Variants in KDM5B observed in about 807,000 individuals in gnomAD.
The protein encoded by KDM5B is lysine demethylase 5B, also known as lysine-specific demethylase 5B.
In KDM5B, 144 loss-of-function variants were observed where a neutral mutation model predicts 193.4. The observed-to-expected ratio is 0.74, with a 90% confidence interval of 0.65 to 0.86. KDM5B has a LOEUF of 0.86. Ranked by LOEUF, KDM5B falls within the 40% of genes least tolerant of loss-of-function variation. KDM5B has a pLI of 0.00. For synonymous variants in KDM5B, 668 were observed against 682.6 expected (o/e 0.98, Z 0.33); for missense variants, 1,833 against 1,886.9 (o/e 0.97, Z 0.53).
At chr1:202,751,104 T>C (rs562503974) in intron 12 of KDM5B, among the ~76,000 whole-genome samples, 1 of 152,230 alleles carries the variant, frequency 6.6e-6, no homozygotes, top group South Asian at 2.1e-4. Flanking sequence ...AAGTAGCATC[T>C]TCTACCACCA....
intron 1 of KDM5B, among the ~76,000 whole-genome samples, chr1:202,798,289 T>A (rs930534866): frequency 6.7e-6 from 1 of 148,174 alleles, no homozygotes; most frequent in Non-Finnish European, 1.5e-5. Context: ...TTTTGTTCGA[T>A]TGGTTTTTGT....
intron 5 of KDM5B, 86 bp from the exon 6 acceptor site, chr1:202,764,231 T>C (rs761501314): frequency 1.5e-6 from 1 of 663,388 alleles, no homozygotes; most frequent in Non-Finnish European, 2.5e-6. Flanking sequence ...GGTGACTATA[T>C]CCTACCAATT....
chr1:202,738,730 TATG>T (rs1180506071), intron 20 of KDM5B, among the ~76,000 whole-genome samples: 7 of 152,200 alleles, frequency 4.6e-5, no homozygotes, highest in African/African-American at 7.2e-5. Context: ...CCTATTGGTT[TATG>T]ATGATAAGAG....
intron 10 of KDM5B, 107 bp downstream of exon 10, chr1:202,756,250 TA>T (rs1265140515): frequency 7.7e-6 from 7 of 912,382 alleles, no homozygotes; most frequent in Non-Finnish European, 1.2e-5. Flanking sequence ...TTGAAATCAT[TA>T]AAAATCTGGT....
At chr1:202,804,234 T>C (rs1010619304) in intron 1 of KDM5B, among the ~76,000 whole-genome samples, 5 of 140,934 alleles carry the variant, frequency 3.5e-5, no homozygotes, top group Admixed American at 1.6e-4. Context: ...GTGAATTGTA[T>C]GGTATATTTC....
intron 14 of KDM5B, 32 bp downstream of exon 14, chr1:202,748,913 A>C: frequency 6.4e-7 from 1 of 1,556,250 alleles, no homozygotes; most frequent in Non-Finnish European, 8.7e-7. Flanking sequence ...ATACCCAATG[A>C]CAACATGCAG....
chr1:202,750,782 A>G lies in KDM5B; in HGVS notation c.1702-4T>C, dbSNP rs111467902. 5.2e-5 allele frequency: 84 copies of G among 1,611,274 alleles called. 6 individuals are homozygous for G. The African/African-American group carries it at 6.0e-4, about 12-fold the overall frequency. On this transcript the variant is annotated splice_region_variant and splice_polypyrimidine_tract_variant and intron_variant, in intron 12 of 26. Transcript: ENST00000367265. ...CACACTGATTAGTTCGGTAAACCTA[A>G]AGAGACAGAAATTGAAGATTTTTGA...
chr1:202,768,433 G>A (rs1419523794), intron 4 of KDM5B, among the ~76,000 whole-genome samples: 2 of 152,120 alleles, frequency 1.3e-5, no homozygotes, highest in Non-Finnish European at 2.9e-5. Context: ...CTAACACTAT[G>A]AGCATAGTTA....
intron 11 of KDM5B, among the ~76,000 whole-genome samples, chr1:202,754,874 G>T (rs1213312558): frequency 6.6e-6 from 1 of 152,092 alleles, no homozygotes; most frequent in Admixed American, 6.6e-5. Context: ...TAGTAAAGAC[G>T]GGGTTTCTCC....
rs1654661514 is a variant in KDM5B at position 202,725,942 on chromosome 1, C to T, written c.*3094G>A. On this transcript the variant is annotated 3_prime_UTR_variant, in exon 27 of 27. Transcript: ENST00000367265. ...TACCTGCTCCAAGCCAGAAGCAGGT[C>T]TTAACAGACTGCCAAATATCCATCA... 1 of 152,198 alleles carries T rather than the reference C, an allele frequency of 6.6e-6. No individual in the cohort carries two copies. 9.4% of individuals were successfully genotyped at this position (152,198 alleles called of 1,614,324 possible).
At chr1:202,789,989 G>A (rs955516056) in intron 1 of KDM5B, among the ~76,000 whole-genome samples, 8 of 151,566 alleles carry the variant, frequency 5.3e-5, no homozygotes, top group South Asian at 2.1e-4. Context: ...TTGGGAGGCC[G>A]AGGTGGGCAG....
intron 9 of KDM5B, among the ~76,000 whole-genome samples, chr1:202,757,558 T>C (rs988605765): frequency 2.6e-5 from 4 of 152,138 alleles, no homozygotes; most frequent in Non-Finnish European, 5.9e-5. Context: ...AGCAAACATA[T>C]TGGCAAATAT....
chr1:202,789,138 A>T (rs1170878937), intron 1 of KDM5B, among the ~76,000 whole-genome samples: 1 of 152,164 alleles, frequency 6.6e-6, no homozygotes, highest in Non-Finnish European at 1.5e-5. Context: ...ACTAAAAATC[A>T]GTTTGAGCCT....
At chr1:202,739,951 G>A (rs548382605) in intron 20 of KDM5B, among the ~76,000 whole-genome samples, 8 of 152,102 alleles carry the variant, frequency 5.3e-5, no homozygotes, top group East Asian at 3.9e-4. Flanking sequence ...CCACAAAACC[G>A]CCATTGTCAT....
chr1:202,766,712 G>C (rs1273194329), intron 5 of KDM5B, among the ~76,000 whole-genome samples: 1 of 152,128 alleles, frequency 6.6e-6, no homozygotes, highest in East Asian at 1.9e-4. Flanking sequence ...GTCTGTCCAG[G>C]CAGCATAAAT....
chr1:202,805,959 T>C (rs781077133), intron 1 of KDM5B, among the ~76,000 whole-genome samples: 14 of 152,248 alleles, frequency 9.2e-5, no homozygotes, highest in African/African-American at 1.4e-4. Context: ...TTGTAGATTA[T>C]TGGTGCCTCT....
At chr1:202,776,650 C>G (rs1292141458) in intron 2 of KDM5B, among the ~76,000 whole-genome samples, 1 of 152,094 alleles carries the variant, frequency 6.6e-6, no homozygotes, top group Admixed American at 6.6e-5. Flanking sequence ...CAGTCTTGAC[C>G]TCCCAGGCTG....
In KDM5B at chr1:202,740,681, C is replaced by G. The variant is rs1655299584; in HGVS notation, c.3077G>C (p.Gly1026Ala). 6.2e-7 allele frequency: 1 copy of G among 1,611,524 alleles called. No individual in the cohort carries two copies. The highest frequency in any genetic ancestry group is 8.5e-7 in the Non-Finnish European group (1 of 1,179,216). ...RARDWLQDVEGLQAGGRVPVL... is the reference protein window; with the variant it reads ...RARDWLQDVEALQAGGRVPVL... ...ATACTTTTTAAAACCAACCTGCAGGCCCTCTACATCCTGAAGCCAGTCTCT... is the reference window on the plus strand; with the variant it reads ...ATACTTTTTAAAACCAACCTGCAGGGCCTCTACATCCTGAAGCCAGTCTCT... The change falls in exon 20 of 27, where the codon GGC (glycine) becomes GCC (alanine). Residue 1026 changes from glycine (G) to alanine (A), a missense_variant. By Grantham distance (60) the Gly-to-Ala change is moderately conservative. Around this residue, in one of 3 missense-constraint regions of KDM5B, gnomAD observed 1,379 missense variants for 1,349.6 expected, o/e 1.02. Transcript: ENST00000367265.
At chr1:202,750,800 A>AT in intron 12 of KDM5B, 22 bp from the exon 13 acceptor site, 1 of 1,609,030 alleles carries the variant, frequency 6.2e-7, no homozygotes, top group Non-Finnish European at 8.5e-7. Flanking sequence ...GAAATTGAAG[A>AT]TTTTTGAGTT....
Sources: gnomAD v4.1 joint callset for allele counts (sites outside exome capture counted in the v4.1 genomes callset) on GRCh38, gnomAD v4.1.1 for gene constraint, gnomAD v4.1.1 regional missense constraint, MANE v1.5 for transcripts, NCBI Gene and HGNC (gene_info 2026-07-23, HGNC 2026-07-21) for gene names.